The following LRMDA variants were observed in gnomAD, a reference collection of about 807,000 sequenced individuals.
LRMDA encodes the protein leucine rich melanocyte differentiation associated.
LRMDA carries 18 observed loss-of-function variants against 29.8 expected under a neutral mutation model. That is an observed-to-expected ratio of 0.60 (90% confidence interval 0.42 to 0.90). The LOEUF (loss-of-function observed/expected upper bound fraction) is 0.90. LRMDA is among the 40% of genes least tolerant of loss of function. The pLI, the probability that LRMDA is intolerant of heterozygous loss-of-function variation, is 0.00. For synonymous variants in LRMDA, 125 were observed against 109.4 expected (o/e 1.14, Z -0.89); for missense variants, 273 against 273.9 (o/e 1.00, Z 0.02).
chr10:75,938,526 C>T (rs1038471979), intron 2 of LRMDA, among the ~76,000 whole-genome samples: 3 of 152,214 alleles, frequency 2.0e-5, no homozygotes, highest in Non-Finnish European at 4.4e-5. Flanking sequence ...GCTATAGCGC[C>T]TGGTCCGGCA....
rs138483196 is a variant in LRMDA at position 76,125,695 on chromosome 10, G to T, written c.516+66912G>T. On this transcript the variant is annotated intron_variant, in intron 5 of 6. Transcript: ENST00000611255. ...GTGATGGCTGGAAGGGGTAGTCTGG[G>T]TTTCTGGTGACTGTGTCCCACATCA... 4.4e-3 allele frequency among the ~76,000 whole-genome samples: 671 copies of T among 152,292 alleles called. 6 individuals carry two copies. The highest frequency in any genetic ancestry group is 0.016 in the African/African-American group (646 of 41,562).
At chr10:76,358,131 G>A (rs1349492450) in intron 6 of LRMDA, among the ~76,000 whole-genome samples, 1 of 152,178 alleles carries the variant, frequency 6.6e-6, no homozygotes, top group East Asian at 1.9e-4. Context: ...ATGGCCTCAA[G>A]CAAGCTAAAA....
intron 2 of LRMDA, among the ~76,000 whole-genome samples, chr10:75,679,012 A>T (rs1490549798): frequency 6.6e-6 from 1 of 152,194 alleles, no homozygotes; most frequent in East Asian, 1.9e-4. Context: ...CCTGATGCTC[A>T]GTCCCTACCT....
intron 2 of LRMDA, among the ~76,000 whole-genome samples, chr10:75,549,461 T>C (rs1438337603): frequency 6.6e-6 from 1 of 152,062 alleles, no homozygotes; most frequent in African/African-American, 2.4e-5. Context: ...ATTTTATTTA[T>C]TTGTATATAT....
At chr10:75,512,544 G>A (rs1845236659) in intron 2 of LRMDA, among the ~76,000 whole-genome samples, 1 of 152,222 alleles carries the variant, frequency 6.6e-6, no homozygotes, top group Non-Finnish European at 1.5e-5. Flanking sequence ...TTGAAGTTGA[G>A]TTAGTTTTTG....
At chr10:75,438,739 A>T (rs1228829029) in intron 2 of LRMDA, among the ~76,000 whole-genome samples, 1 of 152,102 alleles carries the variant, frequency 6.6e-6, no homozygotes, top group Non-Finnish European at 1.5e-5. Flanking sequence ...ATTTCACACG[A>T]GTTCCTATGA....
chr10:76,358,542 C>T (rs897088016), intron 6 of LRMDA, among the ~76,000 whole-genome samples: 2 of 152,104 alleles, frequency 1.3e-5, no homozygotes, highest in Non-Finnish European at 2.9e-5. Context: ...CATGGGCCTC[C>T]TAGCTTCCCT....
In LRMDA at chr10:76,073,245, A is replaced by G. The variant is rs554402009; in HGVS notation, c.516+14462A>G. ...TCATTAAGGGAAATTAACAAAGAAA[A>G]TCCTTCAACTCTATTCCCTATATGT... On this transcript the variant is annotated intron_variant, in intron 5 of 6. Coordinates refer to ENST00000611255, the MANE Select transcript of LRMDA (RefSeq NM_001305581.2). 5.3e-5 allele frequency among the ~76,000 whole-genome samples: 8 copies of G among 152,270 alleles called. No individual in the cohort carries two copies. In the South Asian group the frequency reaches 1.7e-3, roughly 32 times the overall value.
intron 6 of LRMDA, among the ~76,000 whole-genome samples, chr10:76,555,456 T>TA (rs1843544413): frequency 6.6e-6 from 1 of 151,996 alleles, no homozygotes; most frequent in Non-Finnish European, 1.5e-5. Context: ...TGGCAGGAAG[T>TA]AAAACTAATG....
chr10:75,523,669 A>C (rs553746474), intron 2 of LRMDA, among the ~76,000 whole-genome samples: 1 of 152,288 alleles, frequency 6.6e-6, no homozygotes, highest in South Asian at 2.1e-4. Context: ...ATGCTGGAAA[A>C]ACAGGCATAA....
chr10:75,445,977 T>A (rs1303570077), intron 2 of LRMDA, among the ~76,000 whole-genome samples: 3 of 152,238 alleles, frequency 2.0e-5, no homozygotes, highest in Non-Finnish European at 4.4e-5. Context: ...TTGGCCGGGA[T>A]GAGGGTAAAG....
At chr10:76,229,519 C>T (rs1564693371) in intron 5 of LRMDA, among the ~76,000 whole-genome samples, 1 of 152,138 alleles carries the variant, frequency 6.6e-6, no homozygotes, top group African/African-American at 2.4e-5. Flanking sequence ...AGAGGTGATG[C>T]AAGACAATTG....
At chr10:75,647,951 G>A (rs1422631582) in intron 2 of LRMDA, among the ~76,000 whole-genome samples, 1 of 151,926 alleles carries the variant, frequency 6.6e-6, no homozygotes, top group East Asian at 1.9e-4. Flanking sequence ...TTTGCCTGAA[G>A]ATGGGGTATT....
chr10:76,097,840 T>A (rs1849338307), intron 5 of LRMDA, among the ~76,000 whole-genome samples: 1 of 152,164 alleles, frequency 6.6e-6, no homozygotes, highest in Admixed American at 6.5e-5. Flanking sequence ...TTGTAGATTT[T>A]AATTTTAAAC....
chr10:75,518,107 T>A (rs796834578), intron 2 of LRMDA, among the ~76,000 whole-genome samples: 4 of 152,342 alleles, frequency 2.6e-5, no homozygotes, highest in African/African-American at 9.6e-5. Context: ...TTTGCCAGTA[T>A]TTTATTGAGG....
chr10:75,826,351 C>T (rs1844246677), intron 2 of LRMDA, among the ~76,000 whole-genome samples: 1 of 152,268 alleles, frequency 6.6e-6, no homozygotes, highest in Non-Finnish European at 1.5e-5. Context: ...GAGCTCTTGC[C>T]TTCTACCTTT....
intron 2 of LRMDA, among the ~76,000 whole-genome samples, chr10:75,814,975 G>A (rs1006750600): frequency 1.3e-5 from 2 of 152,272 alleles, no homozygotes; most frequent in Middle Eastern, 6.8e-3. Flanking sequence ...CAACAGAAAT[G>A]TTGGTCACAA....
At chr10:76,164,997 A>G (rs1006749078) in intron 5 of LRMDA, among the ~76,000 whole-genome samples, 2 of 152,200 alleles carry the variant, frequency 1.3e-5, no homozygotes, top group Non-Finnish European at 2.9e-5. Context: ...ATTGAGACGA[A>G]GTCTTGCTCT....
At chr10:75,501,604 T>C (rs906280868) in intron 2 of LRMDA, among the ~76,000 whole-genome samples, 1 of 152,174 alleles carries the variant, frequency 6.6e-6, no homozygotes, top group Non-Finnish European at 1.5e-5. Context: ...TAATTTTGAT[T>C]CAATAACCCA....
Sources: allele counts gnomAD v4.1 joint callset (sites outside exome capture counted in the v4.1 genomes callset), GRCh38; gene constraint gnomAD v4.1.1; transcripts MANE v1.5; gene names NCBI Gene and HGNC (gene_info 2026-07-23, HGNC 2026-07-21).